Variants in NOL4 observed in about 807,000 individuals in gnomAD.
NOL4 encodes nucleolar protein 4.
A neutral mutation model predicts 75.9 loss-of-function variants in NOL4; 17 were observed. The observed-to-expected ratio is 0.22, with a 90% CI of 0.15 to 0.34. The LOEUF (loss-of-function observed/expected upper bound fraction) is 0.34, where lower values mean the gene tolerates loss of function less well. NOL4 is among the 10% of genes least tolerant of loss of function. NOL4 has a pLI of 1.00. For synonymous variants in NOL4, 292 were observed against 289.9 expected, an observed-to-expected ratio of 1.01 and a Z score of -0.07; for missense variants, 614 against 793.5, an observed-to-expected ratio of 0.77 and a Z score of 2.72.
Position 33,885,882 on chromosome 18 carries a change from G to A in NOL4, c.1543-2458C>T, listed in dbSNP as rs1335541900. ...ATGTAGCTGCATTCCTATGTTTGTT[G>A]CAACACTGTTTACAATAGCTAAGAT... is the stretch of plus-strand genomic sequence containing the variant. On this transcript the variant is annotated intron_variant, in intron 9 of 10. Coordinates refer to ENST00000261592, the MANE Select transcript of NOL4 (RefSeq NM_003787.5). 2.0e-5 allele frequency among the ~76,000 whole-genome samples: 3 copies of A among 152,194 alleles called. No individual in the cohort carries two copies. The East Asian group carries it at 5.8e-4, about 30-fold the overall frequency.
intron 1 of NOL4, among the ~76,000 whole-genome samples, chr18:34,203,711 T>TCTCTCTCTCTCTCTC (rs1568447188): frequency 2.4e-5 from 2 of 82,128 alleles, no homozygotes; most frequent in African/African-American, 7.8e-5. Context: ...TCTCTCTCTC[T>TCTCTCTCTCTCTCTC]CTCTCTCACA....
At position 34,065,337 on chromosome 18, in the gene NOL4, A is replaced by G. The variant is rs560951510; in HGVS notation, c.772+28128T>C. 2.0e-5 allele frequency among the ~76,000 whole-genome samples: 3 copies of G among 152,104 alleles called. No homozygotes were observed. The East Asian group carries it at 5.8e-4, about 29-fold the overall frequency. ...TAAAATGTTAAAGAAACTAAGAACC[A>G]GTAAGAGCTTATTAACCCTCACATA... On this transcript the variant is annotated intron_variant, in intron 5 of 10. Coordinates refer to ENST00000261592, the MANE Select transcript of NOL4 (RefSeq NM_003787.5).
At chr18:34,035,678 A>C (rs1277515699) in intron 5 of NOL4, among the ~76,000 whole-genome samples, 1 of 152,046 alleles carries the variant, frequency 6.6e-6, no homozygotes, top group East Asian at 1.9e-4. Context: ...AATACAAAAA[A>C]CAATAAAACC....
chr18:34,066,468 A>G (rs532490933), intron 5 of NOL4, among the ~76,000 whole-genome samples: 9 of 152,072 alleles, frequency 5.9e-5, no homozygotes, highest in African/African-American at 2.2e-4. Context: ...AAGAGAAAAT[A>G]TTCTGGAGAT....
At chr18:34,031,984 G>A (rs981957595) in intron 5 of NOL4, among the ~76,000 whole-genome samples, 1 of 152,182 alleles carries the variant, frequency 6.6e-6, no homozygotes, top group Non-Finnish European at 1.5e-5. Flanking sequence ...TGCCATTTTC[G>A]AGTGCCAGTG....
chr18:34,117,083 A>C (rs1360737647), intron 2 of NOL4, among the ~76,000 whole-genome samples: 1 of 152,186 alleles, frequency 6.6e-6, no homozygotes, highest in African/African-American at 2.4e-5. Context: ...AAATGTCACC[A>C]AGCAATCTAT....
At chr18:34,177,485 T>C (rs2033656499) in intron 1 of NOL4, among the ~76,000 whole-genome samples, 2 of 151,984 alleles carry the variant, frequency 1.3e-5, no homozygotes, top group Admixed American at 6.6e-5. Context: ...CTTAAACAAA[T>C]CTAGCTGATA....
chr18:33,885,703 C>G (rs891320462), intron 9 of NOL4, among the ~76,000 whole-genome samples: 4 of 152,078 alleles, frequency 2.6e-5, no homozygotes, highest in African/African-American at 9.7e-5. Context: ...GAAAAGGGAA[C>G]CCTTGTACAC....
chr18:34,221,794 A>C (rs1198662665), intron 1 of NOL4, among the ~76,000 whole-genome samples: 2 of 152,220 alleles, frequency 1.3e-5, no homozygotes, highest in East Asian at 1.9e-4. Flanking sequence ...CTTTAAAAAA[A>C]ACTTTTCATG....
At position 34,047,880 on chromosome 18, in the gene NOL4, T is replaced by C. The variant is rs552656304; in HGVS notation, c.773-28279A>G. 1.6e-4 allele frequency among the ~76,000 whole-genome samples: 25 copies of C among 152,256 alleles called. 1 individual carries two copies. The South Asian group carries it at 3.5e-3, about 21-fold the overall frequency. Reference sequence around the variant, plus strand: ...ATTGCACATGCCTTATGCTGAAAAGTTGAAGTACCAGCACCAAACAGAATA... The same window carrying C: ...ATTGCACATGCCTTATGCTGAAAAGCTGAAGTACCAGCACCAAACAGAATA... On this transcript the variant is annotated intron_variant, in intron 5 of 10. Coordinates refer to ENST00000261592, the MANE Select transcript of NOL4 (RefSeq NM_003787.5).
intron 1 of NOL4, among the ~76,000 whole-genome samples, chr18:34,205,923 T>C (rs2036090290): frequency 2.0e-5 from 3 of 152,204 alleles, no homozygotes; most frequent in African/African-American, 7.2e-5. Context: ...TTCTCATTTC[T>C]TAGGCAGAAG....
intron 1 of NOL4, among the ~76,000 whole-genome samples, chr18:34,153,084 CG>C (rs764981288): frequency 3.3e-5 from 5 of 151,688 alleles, no homozygotes; most frequent in African/African-American, 4.8e-5. Flanking sequence ...TAGGAAACAA[CG>C]GGGTTGTTTC....
chr18:33,873,815 T>C (rs117722820), intron 10 of NOL4, among the ~76,000 whole-genome samples: 59 of 152,050 alleles, frequency 3.9e-4, no homozygotes, highest in Non-Finnish European at 7.7e-4. Context: ...AAGCAGCACA[T>C]AATGGACAGG....
At chr18:33,902,565 A>G (rs1415347387) in intron 9 of NOL4, among the ~76,000 whole-genome samples, 2 of 152,128 alleles carry the variant, frequency 1.3e-5, no homozygotes, top group Admixed American at 6.6e-5. Flanking sequence ...GTAACCCAAG[A>G]ACTTCCCATG....
intron 6 of NOL4, among the ~76,000 whole-genome samples, chr18:33,971,932 A>G (rs150929665): frequency 0.016 from 2,371 of 152,122 alleles, 61 homozygotes; most frequent in African/African-American, 0.054. Flanking sequence ...TTGGGAGGCC[A>G]AGGCAGGTGG....
chr18:34,019,336 C>T lies in NOL4; in HGVS notation c.1038G>A (p.Ala346=), dbSNP rs376620423. Residue 346 remains alanine, a synonymous_variant, in exon 6 of 11, where the codon GCG becomes GCA. Transcript: ENST00000261592. ...ATCATACCTTGCTTCCATTTTCTCT[C>T]GCCTCTCGTTCCATCTTGAGGTCAG... ...LISDLKMERE[A]RENGSKSPAH... 2.4e-5 allele frequency: 38 copies of T among 1,613,002 alleles called. No individual in the cohort carries two copies. The highest frequency in any genetic ancestry group is 9.3e-5 in the African/African-American group (7 of 74,874).
At chr18:34,146,624 T>C (rs982142457) in intron 1 of NOL4, among the ~76,000 whole-genome samples, 1 of 152,206 alleles carries the variant, frequency 6.6e-6, no homozygotes, top group African/African-American at 2.4e-5. Flanking sequence ...CTTTGGTTAC[T>C]GTAGCCTTGT....
chr18:34,021,611 G>A (rs552929494), intron 5 of NOL4, among the ~76,000 whole-genome samples: 25 of 152,218 alleles, frequency 1.6e-4, no homozygotes, highest in African/African-American at 5.3e-4. Flanking sequence ...CTGATGAGGA[G>A]AATGGTATGA....
At chr18:34,061,713 A>C (rs912827546) in intron 5 of NOL4, among the ~76,000 whole-genome samples, 6 of 152,166 alleles carry the variant, frequency 3.9e-5, no homozygotes, top group African/African-American at 1.4e-4. Context: ...CGAATAAATG[A>C]AAGACAATAA....
Sources: allele counts gnomAD v4.1 joint callset (sites outside exome capture counted in the v4.1 genomes callset), GRCh38; gene constraint gnomAD v4.1.1; transcripts MANE v1.5; gene names NCBI Gene and HGNC (gene_info 2026-07-23, HGNC 2026-07-21).